The following CCNY variants were observed in gnomAD, a reference collection of about 807,000 sequenced individuals.
CCNY encodes the protein cyclin-Y.
Under a neutral mutation model 42.8 loss-of-function variants are expected in CCNY, and 19 were observed. That is an observed-to-expected ratio of 0.44 (90% CI 0.31 to 0.65). CCNY has a LOEUF of 0.65. Ranked by LOEUF, CCNY falls within the 30% of genes least tolerant of loss-of-function variation. The pLI is 0.07. For synonymous variants in CCNY, 165 were observed against 162.7 expected, an observed-to-expected ratio of 1.01 and a Z score of -0.11; for missense variants, 370 against 437.3, an observed-to-expected ratio of 0.85 and a Z score of 1.37.
At chr10:35,419,552 A>G (rs1400577987) in intron 1 of CCNY, among the ~76,000 whole-genome samples, 2 of 131,380 alleles carry the variant, frequency 1.5e-5, no homozygotes, top group Non-Finnish European at 3.1e-5. Context: ...TTTTTTTAGC[A>G]ATCTGGAGGA....
intron 1 of CCNY, among the ~76,000 whole-genome samples, chr10:35,482,045 A>T (rs1193737946): frequency 6.6e-6 from 1 of 152,218 alleles, no homozygotes; most frequent in Admixed American, 6.5e-5. Context: ...GATTCAATAG[A>T]TGTTTCTTTA....
At chr10:35,277,276 A>C (rs1169913899) in intron 3 of CCNY, among the ~76,000 whole-genome samples, 1 of 152,224 alleles carries the variant, frequency 6.6e-6, no homozygotes, top group Non-Finnish European at 1.5e-5. Context: ...ATCTTTAAGC[A>C]AGTAGAGAAT....
chr10:35,286,358 C>T (rs1054699459), intron 3 of CCNY, among the ~76,000 whole-genome samples: 7 of 149,892 alleles, frequency 4.7e-5, no homozygotes, highest in Non-Finnish European at 8.9e-5. Context: ...AGTATTTTAC[C>T]ATACTTTTTT....
At chr10:35,553,207 G>C (rs776038975) in intron 8 of CCNY, 22 bp downstream of exon 8, 1 of 1,611,216 alleles carries the variant, frequency 6.2e-7, no homozygotes, top group African/African-American at 1.3e-5. Flanking sequence ...GGCAGAGGGT[G>C]TTGGTCATCA....
At chr10:35,522,715 T>C (rs1287803682) in intron 4 of CCNY, among the ~76,000 whole-genome samples, 1 of 152,232 alleles carries the variant, frequency 6.6e-6, no homozygotes, top group East Asian at 1.9e-4. Flanking sequence ...CGAAGGATGA[T>C]GGTTGATTAC....
At chr10:35,340,504 CTTTTT>C (rs1210434335) in intron 1 of CCNY, among the ~76,000 whole-genome samples, 1 of 132,702 alleles carries the variant, frequency 7.5e-6, no homozygotes. Context: ...CAACTTCATT[CTTTTT>C]TTTTTTTTTT....
At chr10:35,308,801 C>A (rs1026883730) in intron 3 of CCNY, among the ~76,000 whole-genome samples, 1 of 151,958 alleles carries the variant, frequency 6.6e-6, no homozygotes, top group Non-Finnish European at 1.5e-5. Flanking sequence ...GGCTCAGAGT[C>A]GGGGCAAAAA....
rs34429228 is a variant in CCNY, at chr10:35,419,533, C to CTTTTTTTTTTTTTTTTTTTTTTTTT, written c.155-63856_155-63855insTTTTTTTTTTTTTTTTTTTTTTTTT. 1.6e-3 allele frequency among the ~76,000 whole-genome samples: 209 copies of CTTTTTTTTTTTTTTTTTTTTTTTTT among 129,596 alleles called. 11 individuals carry two copies. The highest frequency in any genetic ancestry group is 6.0e-3 in the African/African-American group (189 of 31,662). 85.0% of individuals were successfully genotyped at this position (129,596 alleles called of 152,430 possible). ...AGGACTGGGTTGCATTAGACCGTTC[C>CTTTTTTTTTTTTTTTTTTTTTTTTT]TTTTTTTTTTTTTTTAGCAATCTGG... On this transcript the variant is annotated intron_variant, in intron 1 of 9. Transcript: ENST00000374704.
intron 1 of CCNY, among the ~76,000 whole-genome samples, chr10:35,406,186 TTTTTTTC>T (rs1837757514): frequency 4.1e-5 from 6 of 147,930 alleles, no homozygotes; most frequent in African/African-American, 1.2e-4. Context: ...TTTTTCTTTT[TTTTTTTC>T]TTTTTTATTT....
chr10:35,546,256 A>G (rs1260825103), intron 7 of CCNY, among the ~76,000 whole-genome samples: 1 of 152,256 alleles, frequency 6.6e-6, no homozygotes, highest in African/African-American at 2.4e-5. Flanking sequence ...TTGGATTGGA[A>G]TAATTTCAGC....
intron 1 of CCNY, among the ~76,000 whole-genome samples, chr10:35,382,128 T>C (rs1456075468): frequency 6.6e-6 from 1 of 152,240 alleles, no homozygotes; most frequent in Non-Finnish European, 1.5e-5. Flanking sequence ...AGGCTTTTTC[T>C]GTGATTCGTT....
chr10:35,553,557 A>G (rs1263544914), intron 8 of CCNY, among the ~76,000 whole-genome samples: 1 of 152,236 alleles, frequency 6.6e-6, no homozygotes, highest in African/African-American at 2.4e-5. Context: ...TAATGCCGCC[A>G]TACAGTCCTT....
chr10:35,440,001 C>T (rs948469216), intron 1 of CCNY, among the ~76,000 whole-genome samples: 9 of 152,080 alleles, frequency 5.9e-5, no homozygotes, highest in Admixed American at 1.3e-4. Context: ...TCCTGGCCCC[C>T]TACTTGGCCT....
At chr10:35,511,780 G>A (rs563530219) in intron 3 of CCNY, among the ~76,000 whole-genome samples, 31 of 152,308 alleles carry the variant, frequency 2.0e-4, no homozygotes, top group East Asian at 7.7e-4. Context: ...AAAAGTGGCC[G>A]TTGTTCCTTT....
chr10:35,569,065 C>A lies in CCNY; in HGVS notation c.921C>A (p.Arg307=). Residue 307 remains arginine, a synonymous_variant, in exon 10 of 10, where the codon CGC becomes CGA. Coordinates refer to ENST00000374704, the MANE Select transcript of CCNY (RefSeq NM_145012.6). ...ERAHKLEAIS[R]LCEDKYKDLR... is the part of the protein sequence containing the mutation. ...TTCTTGCCCCTCAGGCCATCTCTCG[C>A]CTCTGCGAGGACAAGTACAAGGACC... The A allele has an allele frequency of 6.2e-7, 1 of 1,611,504 alleles. No individual in the cohort carries two copies. The highest frequency in any genetic ancestry group is 8.5e-7 in the Non-Finnish European group (1 of 1,178,234).
At position 35,260,099 on chromosome 10, in the gene CCNY, C is replaced by T. The variant is rs548724427; in HGVS notation, c.-9+9473C>T. Among the ~76,000 whole-genome samples the T allele has an allele frequency of 2.0e-5, 3 of 152,154 alleles. No homozygotes were observed. In the East Asian group the frequency reaches 5.8e-4, roughly 29 times the overall value. On this transcript the variant is annotated intron_variant, in intron 3 of 11. Transcript: ENST00000374706. ...TGTCTTTCTACTTCCACCTTCAGTG[C>T]CTTTTTCTGTTCTTTTCCGGTGCTC... is the stretch of plus-strand genomic sequence containing the variant.
At chr10:35,322,682 A>G (rs1779917732) in intron 3 of CCNY, among the ~76,000 whole-genome samples, 1 of 152,218 alleles carries the variant, frequency 6.6e-6, no homozygotes, top group Non-Finnish European at 1.5e-5. Context: ...TGGAAAAGAC[A>G]CTGAATAGGC....
intron 8 of CCNY, among the ~76,000 whole-genome samples, chr10:35,560,938 G>A (rs1321958607): frequency 6.6e-6 from 1 of 152,166 alleles, no homozygotes; most frequent in Admixed American, 6.5e-5. Context: ...AGGCTCACTG[G>A]AAGCTGGGGG....
chr10:35,530,248 G>T lies in CCNY; in HGVS notation c.579+5G>T. ...GAATGTGCCATCGTCACCCTGGTGA[G>T]TGCCCTCAGGATGGCCACACCCATC... On this transcript the variant is annotated splice_donor_5th_base_variant and intron_variant, in intron 7 of 9. Coordinates refer to ENST00000374704, the MANE Select transcript of CCNY (RefSeq NM_145012.6). The surrounding 1 kb of genome is among the most constrained non-coding windows in gnomAD (Gnocchi z 4.3). 6.2e-7 allele frequency: 1 copy of T among 1,614,120 alleles called. No homozygotes were observed. Among genetic ancestry groups the T allele is most frequent in the Non-Finnish European group, 8.5e-7 (1 of 1,180,018 alleles).
Sources: gnomAD v4.1 joint callset for allele counts (sites outside exome capture counted in the v4.1 genomes callset) on GRCh38, gnomAD v4.1.1 for gene constraint, Gnocchi (gnomAD v3.1) non-coding constraint, MANE v1.5 for transcripts, NCBI Gene and HGNC (gene_info 2026-07-23, HGNC 2026-07-21) for gene names.